The following SATL1 variants were observed in gnomAD, a reference collection of about 807,000 sequenced individuals.
SATL1 encodes spermidine/spermine N(1)-acetyltransferase-like protein 1.
In SATL1, 47 loss-of-function variants were observed where a neutral mutation model predicts 51.8. The ratio of observed to expected loss-of-function variants is 0.91; its 90% CI spans 0.72 to 1.16. The LOEUF (loss-of-function observed/expected upper bound fraction) is 1.16, where lower values mean the gene tolerates loss of function less well. SATL1 is among the 50% of genes most tolerant of loss of function. The probability of loss-of-function intolerance (pLI) is 0.00; values close to 1 mark genes in which losing one functional copy is unlikely to be tolerated. For missense variants in SATL1, 520 were observed against 526.4 expected, an observed-to-expected ratio of 0.99 and a Z score of 0.12; for synonymous variants, 176 against 182.4, an observed-to-expected ratio of 0.97 and a Z score of 0.28.
At chrX:85,168,653 C>T (rs1473420998) in intron 2 of SATL1, among the ~76,000 whole-genome samples, 1 of 111,879 alleles carries the variant, frequency 8.9e-6, no homozygotes, top group African/African-American at 3.2e-5. Context: ...ACATTCCATG[C>T]TCATGGATAT....
intron 4 of SATL1, among the ~76,000 whole-genome samples, chrX:85,103,162 T>C (rs1257824611): frequency 2.7e-5 from 3 of 111,737 alleles, no homozygotes; most frequent in Non-Finnish European, 5.6e-5. Flanking sequence ...CAGAATTCTA[T>C]TTCTGACCAA....
intron 1 of SATL1, among the ~76,000 whole-genome samples, chrX:85,236,710 T>C (rs1206987133): frequency 9.0e-6 from 1 of 111,518 alleles, no homozygotes; most frequent in Non-Finnish European, 1.9e-5. Flanking sequence ...AAGTCACACA[T>C]GACAGACTCA....
chrX:85,181,756 C>A (rs183166240), intron 2 of SATL1, among the ~76,000 whole-genome samples: 1 of 111,628 alleles, frequency 9.0e-6, no homozygotes, highest in African/African-American at 3.2e-5. Context: ...GAATGTGAGC[C>A]ATCTCTGTCT....
At chrX:85,105,418 T>C (rs1925014903) in intron 3 of SATL1, among the ~76,000 whole-genome samples, 1 of 111,533 alleles carries the variant, frequency 9.0e-6, no homozygotes, top group Non-Finnish European at 1.9e-5. Flanking sequence ...TCCCCTAATA[T>C]GCATTCAATG....
intron 2 of SATL1, among the ~76,000 whole-genome samples, chrX:85,110,205 A>G (rs1264833402): frequency 1.8e-5 from 2 of 111,416 alleles, no homozygotes; most frequent in Non-Finnish European, 3.8e-5. Flanking sequence ...GCCTGAATTC[A>G]GACCCAGATC....
chrX:85,114,042 T>C (rs1285867026), intron 2 of SATL1, among the ~76,000 whole-genome samples: 1 of 112,341 alleles, frequency 8.9e-6, no homozygotes, highest in African/African-American at 3.2e-5. Context: ...AAAGAAAGTA[T>C]GCTGTTCCAG....
chrX:85,107,629 C>T lies in SATL1; in HGVS notation c.1340G>A (p.Ser447Asn). ...GCCTAGTTGGCTGGGGACTTGCTGG[C>T]TCATGCCTGGTTGCCACATGCCTCG... ...WQRGMWQPGM[S>N]QQVPSQLGMR... The change falls in exon 3 of 8, where the codon AGC becomes AAC. Residue 447 changes from serine (S) to asparagine (N), a missense_variant. Transcript: ENST00000644105. 1 of 1,212,331 alleles carries T rather than the reference C, an allele frequency of 8.2e-7. No homozygotes were observed. Among genetic ancestry groups the T allele is most frequent in the Non-Finnish European group, 1.1e-6 (1 of 895,674 alleles).
chrX:85,233,667 T>C (rs770329622), intron 1 of SATL1, among the ~76,000 whole-genome samples: 1 of 112,306 alleles, frequency 8.9e-6, no homozygotes, highest in Non-Finnish European at 1.9e-5. Flanking sequence ...CATCAGTCTC[T>C]TAACTGCATA....
At chrX:85,123,974 C>T (rs748553105) in intron 2 of SATL1, among the ~76,000 whole-genome samples, 18 of 111,165 alleles carry the variant, frequency 1.6e-4, no homozygotes, top group East Asian at 5.6e-4. Flanking sequence ...TTATATACTT[C>T]TGTATTTTTT....
intron 2 of SATL1, among the ~76,000 whole-genome samples, chrX:85,186,629 G>A (rs1890163508): frequency 9.0e-6 from 1 of 111,620 alleles, no homozygotes; most frequent in Non-Finnish European, 1.9e-5. Context: ...ATTTCAATAG[G>A]AAGTCCCACA....
chrX:85,130,749 T>C (rs1166307514), intron 2 of SATL1, among the ~76,000 whole-genome samples: 2 of 111,936 alleles, frequency 1.8e-5, no homozygotes, highest in African/African-American at 6.5e-5. Flanking sequence ...AGGGTGTCAA[T>C]TTTAGATCTT....
intron 5 of SATL1, among the ~76,000 whole-genome samples, 198 bp downstream of exon 5, chrX:85,094,718 G>A (rs1313926562): frequency 9.0e-6 from 1 of 111,457 alleles, no homozygotes; most frequent in African/African-American, 3.3e-5. Flanking sequence ...CTCCAGCCTG[G>A]GTGACAGAGC....
intron 2 of SATL1, among the ~76,000 whole-genome samples, chrX:85,134,346 T>C (rs980154024): frequency 4.5e-5 from 5 of 111,498 alleles, no homozygotes; most frequent in Non-Finnish European, 9.4e-5. Context: ...GAGGAGAATG[T>C]ACAACCTTGC....
chrX:85,167,257 G>C (rs1241674810), intron 2 of SATL1, among the ~76,000 whole-genome samples: 2 of 103,987 alleles, frequency 1.9e-5, no homozygotes, highest in Non-Finnish European at 3.9e-5. Context: ...GAGATGGGGG[G>C]GGGGTTGATG....
chrX:85,239,085 T>C (rs1928534463), intron 1 of SATL1, among the ~76,000 whole-genome samples: 1 of 110,493 alleles, frequency 9.1e-6, no homozygotes, highest in African/African-American at 3.3e-5. Flanking sequence ...AGGGTTGATC[T>C]CATGTTAAGT....
intron 2 of SATL1, among the ~76,000 whole-genome samples, chrX:85,142,190 A>G (rs1216126241): frequency 9.4e-6 from 1 of 106,640 alleles, no homozygotes; most frequent in African/African-American, 3.4e-5. Flanking sequence ...AGGTTAGGAG[A>G]TCGAGACCAT....
chrX:85,233,851 A>T (rs2147766775), intron 1 of SATL1, among the ~76,000 whole-genome samples: 1 of 111,801 alleles, frequency 8.9e-6, no homozygotes, highest in African/African-American at 3.2e-5. Flanking sequence ...AGGAGGCAGA[A>T]AGATAGAGAT....
At chrX:85,105,420 C>T (rs189695666) in intron 3 of SATL1, among the ~76,000 whole-genome samples, 1 of 111,487 alleles carries the variant, frequency 9.0e-6, no homozygotes, top group Non-Finnish European at 1.9e-5. Context: ...CCCTAATATG[C>T]ATTCAATGTT....
intron 2 of SATL1, among the ~76,000 whole-genome samples, chrX:85,143,795 C>T (rs754951172): frequency 1.8e-5 from 2 of 111,236 alleles, no homozygotes; most frequent in East Asian, 5.6e-4. Flanking sequence ...AAAATTTTTA[C>T]TTGTGTCAAT....
Sources: allele counts gnomAD v4.1 joint callset (sites outside exome capture counted in the v4.1 genomes callset), GRCh38; gene constraint gnomAD v4.1.1; transcripts MANE v1.5; gene names NCBI Gene and HGNC (gene_info 2026-07-23, HGNC 2026-07-21).